CHST15: variants seen among roughly 807,000 people sequenced by gnomAD.
CHST15 encodes carbohydrate sulfotransferase 15, also known as B cell RAG associated protein (GALNAC4S-6ST).
Under a neutral mutation model 53.6 loss-of-function variants are expected in CHST15, and 30 were observed. That is an observed-to-expected ratio of 0.56 (90% CI 0.42 to 0.76). The LOEUF (loss-of-function observed/expected upper bound fraction) is 0.76, where lower values mean the gene tolerates loss of function less well. Ranked by LOEUF, CHST15 falls within the 30% of genes least tolerant of loss-of-function variation. The pLI is 0.00. For missense variants in CHST15, 627 were observed against 740.5 expected, an observed-to-expected ratio of 0.85 and a Z score of 1.78; for synonymous variants, 296 against 289.8, an observed-to-expected ratio of 1.02 and a Z score of -0.22.
intron 1 of CHST15, among the ~76,000 whole-genome samples, chr10:124,057,647 G>A (rs74992905): frequency 0.023 from 3,491 of 152,244 alleles, 132 homozygotes; most frequent in African/African-American, 0.079. Context: ...AAGGACAGCC[G>A]TGAAGCCCAC....
chr10:124,090,689 G>A (rs1484074658), intron 1 of CHST15, among the ~76,000 whole-genome samples: 1 of 152,342 alleles, frequency 6.6e-6, no homozygotes, highest in East Asian at 1.9e-4. Context: ...GGATGACAAA[G>A]GTGTGGAAGG....
intron 1 of CHST15, among the ~76,000 whole-genome samples, chr10:124,076,218 C>G (rs1312455051): frequency 6.6e-6 from 1 of 152,136 alleles, no homozygotes; most frequent in African/African-American, 2.4e-5. Flanking sequence ...GAGGCTTATA[C>G]ACACACATAA....
chr10:124,066,507 CTTCT>C, intron 1 of CHST15, among the ~76,000 whole-genome samples: 1 of 152,062 alleles, frequency 6.6e-6, no homozygotes, highest in Middle Eastern at 3.4e-3. Flanking sequence ...TTGCAATTAT[CTTCT>C]TTCTAAATAT....
At chr10:124,021,082 T>C (rs1331951627) in intron 6 of CHST15, 174 bp downstream of exon 6, 1 of 1,470,392 alleles carries the variant, frequency 6.8e-7, no homozygotes, top group Admixed American at 2.2e-5. Flanking sequence ...CAAGAGCCCA[T>C]CAGTTTTCAG....
intron 1 of CHST15, among the ~76,000 whole-genome samples, chr10:124,083,148 T>C (rs1249035996): frequency 6.6e-6 from 1 of 152,214 alleles, no homozygotes; most frequent in Non-Finnish European, 1.5e-5. Context: ...AAAAGTCTGC[T>C]TTATGATTTT....
chr10:124,090,254 C>T (rs886678164), intron 1 of CHST15, among the ~76,000 whole-genome samples: 1 of 152,226 alleles, frequency 6.6e-6, no homozygotes, highest in Non-Finnish European at 1.5e-5. Flanking sequence ...AGAATCCTCT[C>T]GAAAATTCAC....
rs775473816 is a variant in CHST15 at position 124,021,216 on chromosome 10, AGGGGCCAGCTCGGGGGGTACGGGGGGGGG to A, written c.1347+11_1347+39del. The A allele has an allele frequency of 1.5e-6, 1 of 688,360 alleles. No homozygotes were observed. The highest frequency in any genetic ancestry group is 2.2e-6 in the Non-Finnish European group (1 of 447,474). 42.6% of individuals were successfully genotyped at this position (688,360 alleles called of 1,614,324 possible). On this transcript the variant is annotated intron_variant, in intron 6 of 7. Transcript: ENST00000435907. ...TAACAACAAACCAGCTCCTTCTGCC[AGGGGCCAGCTCGGGGGGTACGGGGGGGGG>A]GGGTACACACAGGCATGGCGTTGTT...
At chr10:124,033,954 T>C (rs901431307) in intron 5 of CHST15, among the ~76,000 whole-genome samples, 2 of 152,196 alleles carry the variant, frequency 1.3e-5, no homozygotes, top group African/African-American at 4.8e-5. Flanking sequence ...GCAGTACTAA[T>C]TAGTACAGCA....
At chr10:124,035,698 T>C (rs1166359824) in intron 5 of CHST15, among the ~76,000 whole-genome samples, 6 of 152,248 alleles carry the variant, frequency 3.9e-5, no homozygotes, top group Admixed American at 1.3e-4. Context: ...CCTTTGCACC[T>C]GTCCTCCTCT....
intron 1 of CHST15, among the ~76,000 whole-genome samples, chr10:124,050,772 C>T (rs767269227): frequency 3.9e-5 from 6 of 152,092 alleles, no homozygotes; most frequent in Non-Finnish European, 8.8e-5. Flanking sequence ...CGTAGAGAGA[C>T]GCTGTGGGGA....
intron 1 of CHST15, among the ~76,000 whole-genome samples, chr10:124,051,309 G>A (rs932134517): frequency 1.3e-5 from 2 of 152,132 alleles, no homozygotes; most frequent in African/African-American, 4.8e-5. Flanking sequence ...AGTTTACTAT[G>A]TATAACTATT....
chr10:124,066,425 C>T (rs1435594745), intron 1 of CHST15, among the ~76,000 whole-genome samples: 1 of 151,692 alleles, frequency 6.6e-6, no homozygotes, highest in African/African-American at 2.4e-5. Context: ...CTGGGACTGA[C>T]CCACACCTCC....
intron 1 of CHST15, among the ~76,000 whole-genome samples, chr10:124,060,490 G>A (rs1199072132): frequency 2.1e-5 from 3 of 144,940 alleles, no homozygotes; most frequent in Admixed American, 2.1e-4. Context: ...GCCCCCCAGG[G>A]GTGTGTGGAG....
In CHST15 at chr10:124,044,835, C is replaced by T. The variant is rs748985634; in HGVS notation, c.631G>A (p.Asp211Asn). The T allele has an allele frequency of 4.5e-5, 70 of 1,548,642 alleles. No homozygotes were observed. Among genetic ancestry groups the T allele is most frequent in the Non-Finnish European group, 5.9e-5 (68 of 1,144,480 alleles). Residue 211 changes from aspartate to asparagine, a missense_variant, in exon 3 of 8, where the codon GAC becomes AAC. Transcript: ENST00000435907. The stretch of plus-strand genomic sequence containing the variant: ...ACGTAGGAGTTGGTGAGGTAGGGGT[C>T]GGTGGTGTTCTGCCCCGAGAACTCC... ...YEEFSGQNTT[D>N]PYLTNSYVLY...
chr10:124,025,417 C>T (rs966254057), intron 5 of CHST15, among the ~76,000 whole-genome samples: 3 of 152,224 alleles, frequency 2.0e-5, no homozygotes, highest in Non-Finnish European at 4.4e-5. Context: ...CTCCTTTGGC[C>T]TCTCAGTCAC....
At chr10:124,075,187 G>A (rs1304363057) in intron 1 of CHST15, among the ~76,000 whole-genome samples, 1 of 152,156 alleles carries the variant, frequency 6.6e-6, no homozygotes, top group Admixed American at 6.5e-5. Context: ...GAACATGGAG[G>A]TGCTGTTTGT....
chr10:124,012,721 G>A (rs28360899), intron 6 of CHST15, among the ~76,000 whole-genome samples: 7,211 of 152,248 alleles, frequency 0.047, 275 homozygotes, highest in Non-Finnish European at 0.057. Context: ...TGTGGGTAGC[G>A]CCATGCCTCC....
At chr10:124,084,512 C>G (rs970398548) in intron 1 of CHST15, among the ~76,000 whole-genome samples, 6 of 152,164 alleles carry the variant, frequency 3.9e-5, no homozygotes, top group African/African-American at 1.4e-4. Context: ...TCAAGCCCCC[C>G]ACTACCGAGA....
At chr10:124,064,328 ATT>A (rs1357963447) in intron 1 of CHST15, among the ~76,000 whole-genome samples, 3 of 152,208 alleles carry the variant, frequency 2.0e-5, no homozygotes, top group African/African-American at 7.2e-5. Flanking sequence ...GTCATTTCAG[ATT>A]AAGTAAGAAT....
Sources: gnomAD v4.1 joint callset for allele counts (sites outside exome capture counted in the v4.1 genomes callset) on GRCh38, gnomAD v4.1.1 for gene constraint, MANE v1.5 for transcripts, NCBI Gene and HGNC (gene_info 2026-07-23, HGNC 2026-07-21) for gene names.